Variants in SERPINI1 observed in about 807,000 individuals in gnomAD.
The protein encoded by SERPINI1 is serpin family I member 1.
A neutral mutation model predicts 41.1 loss-of-function variants in SERPINI1; 19 were observed. The ratio of observed to expected loss-of-function variants is 0.46; its 90% CI spans 0.32 to 0.68. SERPINI1 has a LOEUF of 0.68. Ranked by LOEUF, SERPINI1 falls within the 30% of genes least tolerant of loss-of-function variation. The pLI is 0.03. For missense variants in SERPINI1, 460 were observed against 479.2 expected (o/e 0.96, Z 0.37); for synonymous variants, 138 against 156.6 (o/e 0.88, Z 0.89).
chr3:167,769,225 C>A (rs780648083), intron 1 of SERPINI1, among the ~76,000 whole-genome samples: 1 of 152,074 alleles, frequency 6.6e-6, no homozygotes, highest in African/African-American at 2.4e-5. Flanking sequence ...ATCTCTTGAC[C>A]TTGTGATCCA....
intron 1 of SERPINI1, among the ~76,000 whole-genome samples, chr3:167,744,951 C>T (rs779025721): frequency 5.5e-5 from 8 of 146,496 alleles, no homozygotes; most frequent in Non-Finnish European, 1.0e-4. Flanking sequence ...GATACTTTCT[C>T]AGAATTTAGA....
At chr3:167,810,581 C>G (rs149162858) in intron 6 of SERPINI1, among the ~76,000 whole-genome samples, 1 of 151,080 alleles carries the variant, frequency 6.6e-6, no homozygotes, top group East Asian at 1.9e-4. Context: ...TAATGATCAT[C>G]TGAGCCATCA....
chr3:167,742,179 A>G (rs1232635113), intron 1 of SERPINI1, among the ~76,000 whole-genome samples: 2 of 152,122 alleles, frequency 1.3e-5, no homozygotes, highest in Admixed American at 1.3e-4. Flanking sequence ...AGTAATATAA[A>G]ATTGAACATT....
intron 8 of SERPINI1, 45 bp downstream of exon 8, chr3:167,824,607 GA>G: frequency 1.6e-6 from 2 of 1,260,524 alleles, no homozygotes; most frequent in South Asian, 1.2e-5. Flanking sequence ...AGGTCACAAA[GA>G]ACCTCTTTTT....
At chr3:167,804,289 T>C (rs1219437158) in intron 5 of SERPINI1, among the ~76,000 whole-genome samples, 2 of 152,218 alleles carry the variant, frequency 1.3e-5, no homozygotes, top group Non-Finnish European at 2.9e-5. Flanking sequence ...TTTCCACTAA[T>C]CATTCCTTTT....
chr3:167,758,207 C>T (rs951588109), intron 1 of SERPINI1, among the ~76,000 whole-genome samples: 7 of 152,082 alleles, frequency 4.6e-5, no homozygotes, highest in South Asian at 4.1e-4. Flanking sequence ...TCTAAGCTTA[C>T]ATTTTAATCA....
intron 6 of SERPINI1, 125 bp from the exon 7 acceptor site, chr3:167,822,861 A>C: frequency 1.5e-6 from 1 of 659,882 alleles, no homozygotes; most frequent in Middle Eastern, 3.4e-4. Context: ...AAATCTTTTA[A>C]CATTATCTCC....
chr3:167,783,272 GTGTT>G (rs1473349994), intron 1 of SERPINI1, among the ~76,000 whole-genome samples: 6 of 152,136 alleles, frequency 3.9e-5, no homozygotes. Flanking sequence ...CATGGAATGA[GTGTT>G]TGACAATGAA....
At chr3:167,748,376 T>C (rs1320707160) in intron 1 of SERPINI1, among the ~76,000 whole-genome samples, 1 of 152,156 alleles carries the variant, frequency 6.6e-6, no homozygotes, top group East Asian at 1.9e-4. Flanking sequence ...GCAAAACCTT[T>C]AAGGTCAAGG....
At chr3:167,761,519 C>A (rs919312555) in intron 1 of SERPINI1, among the ~76,000 whole-genome samples, 15 of 152,116 alleles carry the variant, frequency 9.9e-5, no homozygotes, top group Non-Finnish European at 1.6e-4. Context: ...CCTTAACCCA[C>A]CCTCCAACCA....
Position 167,748,752 on chromosome 3 carries a change from C to CTGTGTGTGTG in SERPINI1, c.-19+12961_-19+12970dup, listed in dbSNP as rs34438429. Among the ~76,000 whole-genome samples, 560 of 143,632 alleles carry CTGTGTGTGTG rather than the reference C, an allele frequency of 3.9e-3. 3 individuals are homozygous for CTGTGTGTGTG. Among genetic ancestry groups the CTGTGTGTGTG allele is most frequent in the African/African-American group, 6.8e-3 (263 of 38,654 alleles). 94.2% of individuals were successfully genotyped at this position (143,632 alleles called of 152,430 possible). ...CACAGGTAAGACAGAGTGTGTTACTCTGTGTGTGTGTGTGTGTGTGTGTGT... is the reference window on the plus strand; with the variant it reads ...CACAGGTAAGACAGAGTGTGTTACTCTGTGTGTGTGTGTGTGTGTGTGTGTGTGTGTGTGT... On this transcript the variant is annotated intron_variant, in intron 1 of 8. Coordinates refer to ENST00000446050, the MANE Select transcript of SERPINI1 (RefSeq NM_001122752.2).
intron 1 of SERPINI1, among the ~76,000 whole-genome samples, chr3:167,754,930 C>T (rs534754366): frequency 4.6e-5 from 7 of 152,314 alleles, no homozygotes; most frequent in Admixed American, 4.6e-4. Context: ...AACTGACCAC[C>T]TAGTTGGCCT....
rs1265111626 is a variant in SERPINI1, at chr3:167,771,846, T to TGTGC, written c.-18-17264_-18-17263insTGCG. Among the ~76,000 whole-genome samples, 1,377 of 150,190 alleles carry TGTGC rather than the reference T, an allele frequency of 9.2e-3. 19 individuals are homozygous for TGTGC. The highest frequency in any genetic ancestry group is 0.032 in the African/African-American group (1,295 of 41,012). ...GTGTGTGTGTGCGCGTGTGTGTGTG[T>TGTGC]GCGCGCACGCGCACGCACATGCACA... On this transcript the variant is annotated intron_variant, in intron 1 of 8. Transcript: ENST00000446050.
intron 1 of SERPINI1, among the ~76,000 whole-genome samples, chr3:167,742,802 T>C (rs1725721551): frequency 1.3e-5 from 2 of 151,332 alleles, no homozygotes; most frequent in African/African-American, 4.9e-5. Flanking sequence ...CTCATTGTTA[T>C]CAATTTTGTG....
At chr3:167,756,575 G>T (rs1199114685) in intron 1 of SERPINI1, among the ~76,000 whole-genome samples, 2 of 152,162 alleles carry the variant, frequency 1.3e-5, no homozygotes, top group African/African-American at 4.8e-5. Context: ...CTCCCAAAGT[G>T]CTGGAATTAC....
rs1726567611 is a variant in SERPINI1, at chr3:167,766,370, T to TC, written c.-18-22738dup. On this transcript the variant is annotated intron_variant, in intron 1 of 8. Coordinates refer to ENST00000446050, the MANE Select transcript of SERPINI1 (RefSeq NM_001122752.2). ...AGAGAGAGAGCTTGTGCAGGGGAACTCCCATTTTTAAAACCATCAGATCCC... is the reference window on the plus strand; with the variant it reads ...AGAGAGAGAGCTTGTGCAGGGGAACTCCCCATTTTTAAAACCATCAGATCCC... Among the ~76,000 whole-genome samples the TC allele has an allele frequency of 2.0e-5, 3 of 152,056 alleles. No individual in the cohort carries two copies. The South Asian group carries it at 6.2e-4, about 32-fold the overall frequency.
intron 1 of SERPINI1, among the ~76,000 whole-genome samples, chr3:167,772,187 G>A (rs34563131): frequency 0.13 from 19,509 of 152,130 alleles, 1,522 homozygotes; most frequent in African/African-American, 0.21. Flanking sequence ...TCATTATACT[G>A]TTATTCCATC....
intron 1 of SERPINI1, among the ~76,000 whole-genome samples, chr3:167,780,619 G>A (rs576012148): frequency 6.6e-6 from 1 of 152,058 alleles, no homozygotes; most frequent in Admixed American, 6.6e-5. Context: ...TTCTATTCTT[G>A]GGTCCTCTGT....
At chr3:167,773,289 T>A (rs984487599) in intron 1 of SERPINI1, among the ~76,000 whole-genome samples, 1 of 152,114 alleles carries the variant, frequency 6.6e-6, no homozygotes, top group Non-Finnish European at 1.5e-5. Context: ...CAGTTTCCTG[T>A]TAGTGAGGAC....
Sources: gnomAD v4.1 joint callset for allele counts (sites outside exome capture counted in the v4.1 genomes callset) on GRCh38, gnomAD v4.1.1 for gene constraint, MANE v1.5 for transcripts, NCBI Gene and HGNC (gene_info 2026-07-23, HGNC 2026-07-21) for gene names.